Variants in ASB13 observed in about 807,000 individuals in gnomAD.
The protein encoded by ASB13 is ankyrin repeat and SOCS box protein 13.
In ASB13, 33 loss-of-function variants were observed where a neutral mutation model predicts 28.8. The observed-to-expected ratio is 1.15, with a 90% confidence interval of 0.87 to 1.53. ASB13 has a LOEUF of 1.53. Ranked by LOEUF, ASB13 falls within the 40% of genes most tolerant of loss-of-function variation. ASB13 has a pLI of 0.00. For synonymous variants in ASB13, 182 were observed against 172.9 expected (o/e 1.05, Z -0.41); for missense variants, 414 against 390.1 (o/e 1.06, Z -0.52).
chr10:5,661,378 G>A lies in ASB13; in HGVS notation c.43+5131C>T, dbSNP rs577793467. Among the ~76,000 whole-genome samples, 1 of 152,346 alleles carries A rather than the reference G, an allele frequency of 6.6e-6. No individual in the cohort carries two copies. Among genetic ancestry groups the A allele is most frequent in the East Asian group, 1.9e-4 (1 of 5,192 alleles). On this transcript the variant is annotated intron_variant, in intron 1 of 5. Coordinates refer to ENST00000357700, the MANE Select transcript of ASB13 (RefSeq NM_024701.4). This position sits in a 1 kb window ranked among gnomAD's most constrained non-coding sequence, Gnocchi z 4.9. ...CAGGGTCAGGGCCCACTCCAACAAA[G>A]AGCATTCTCAAATGCCACCAGGGAC... is the stretch of plus-strand genomic sequence containing the variant.
Position 5,642,385 on chromosome 10 carries a change from C to A in ASB13, c.518-424G>T. On this transcript the variant is annotated intron_variant, in intron 4 of 5. Transcript: ENST00000357700. The surrounding 1 kb of genome is among the most constrained non-coding windows in gnomAD (Gnocchi z 4.1). ...GCTTCTTCCTCTTGCGGGCCCAGGA[C>A]GGAGGCTCCAGAAATACTGGTTGAA... 1.4e-6 allele frequency: 1 copy of A among 725,706 alleles called. No individual in the cohort carries two copies. The allele number at this position is 725,706 out of a possible 1,614,324, so 45.0% of individuals were successfully genotyped here.
At position 5,645,615 on chromosome 10, in the gene ASB13, G is replaced by A. The variant is rs370149671; in HGVS notation, c.517+3355C>T. Among the ~76,000 whole-genome samples, 13 of 152,198 alleles carry A rather than the reference G, an allele frequency of 8.5e-5. 1 individual carries two copies. In the East Asian group the frequency reaches 1.2e-3, roughly 14 times the overall value. On this transcript the variant is annotated intron_variant, in intron 4 of 5. Transcript: ENST00000357700. This position sits in a 1 kb window ranked among gnomAD's most constrained non-coding sequence, Gnocchi z 5.4. ...TCTCAAACCGCACATGAAAGCACCTGCACTCATGTGGGCCCCGACTGGTTC... is the reference window on the plus strand; with the variant it reads ...TCTCAAACCGCACATGAAAGCACCTACACTCATGTGGGCCCCGACTGGTTC...
In ASB13 at chr10:5,644,673, C is replaced by G. The variant is rs916241780; in HGVS notation, c.518-2712G>C. On this transcript the variant is annotated intron_variant, in intron 4 of 5. Coordinates refer to ENST00000357700, the MANE Select transcript of ASB13 (RefSeq NM_024701.4). This position sits in a 1 kb window ranked among gnomAD's most constrained non-coding sequence, Gnocchi z 5.1. Reference sequence around the variant, plus strand: ...TCTCTACTAAAAATCCAAAAATTACCTGGGCGTGGTGGTGCACATCTATAA... The same window carrying G: ...TCTCTACTAAAAATCCAAAAATTACGTGGGCGTGGTGGTGCACATCTATAA... Among the ~76,000 whole-genome samples, 1 of 151,902 alleles carries G rather than the reference C, an allele frequency of 6.6e-6. No homozygotes were observed. Among genetic ancestry groups the G allele is most frequent in the South Asian group, 2.1e-4 (1 of 4,816 alleles).
chr10:5,653,202 C>T (rs1330113265), intron 1 of ASB13, 152 bp from the exon 2 acceptor site: 1 of 886,386 alleles, frequency 1.1e-6, no homozygotes, highest in Non-Finnish European at 1.7e-6. Flanking sequence ...CTGAGCCACC[C>T]CCACTGCCTG....
At chr10:5,653,154 G>A (rs1588514669) in intron 1 of ASB13, 104 bp from the exon 2 acceptor site, 13 of 1,164,742 alleles carry the variant, frequency 1.1e-5, no homozygotes, top group Admixed American at 2.8e-5. Flanking sequence ...GGCACCATCC[G>A]TGATCATGCA....
Position 5,651,760 on chromosome 10 carries a change from C to T in ASB13, c.232-397G>A, listed in dbSNP as rs576590923. 1.7e-4 allele frequency among the ~76,000 whole-genome samples: 26 copies of T among 152,074 alleles called. No individual in the cohort carries two copies. In the South Asian group the frequency reaches 5.4e-3, roughly 32 times the overall value. On this transcript the variant is annotated intron_variant, in intron 2 of 5. Transcript: ENST00000357700. This position sits in a 1 kb window ranked among gnomAD's most constrained non-coding sequence, Gnocchi z 5.1. The stretch of plus-strand genomic sequence containing the variant: ...GCTCACACCTGTAACCCCAGCACTT[C>T]GGAAGGCGAGGAGGGAGGGTCACTT...
rs1564222997 is a variant in ASB13, at chr10:5,662,608, G to GAAGAGAAGAGAAGAA, written c.43+3900_43+3901insTTCTTCTCTTCTCTT. The stretch of plus-strand genomic sequence containing the variant: ...GAAGAGAAGAGAAGAGAAGAGAAGA[G>GAAGAGAAGAGAAGAA]AAGAGAAGAGAAGAGAAGAGAAGAG... On this transcript the variant is annotated intron_variant, in intron 1 of 5. Coordinates refer to ENST00000357700, the MANE Select transcript of ASB13 (RefSeq NM_024701.4). Among the ~76,000 whole-genome samples the GAAGAGAAGAGAAGAA allele has an allele frequency of 2.6e-4, 38 of 147,746 alleles. 1 individual carries two copies. Among genetic ancestry groups the GAAGAGAAGAGAAGAA allele is most frequent in the Non-Finnish European group, 4.4e-4 (29 of 66,356 alleles).
rs1007736611 is a variant in ASB13, at chr10:5,656,364, C to A, written c.44-3314G>T. Among the ~76,000 whole-genome samples the A allele has an allele frequency of 2.0e-5, 3 of 152,126 alleles. No homozygotes were observed. The highest frequency in any genetic ancestry group is 4.4e-5 in the Non-Finnish European group (3 of 68,014). On this transcript the variant is annotated intron_variant, in intron 1 of 5. Coordinates refer to ENST00000357700, the MANE Select transcript of ASB13 (RefSeq NM_024701.4). This position sits in a 1 kb window ranked among gnomAD's most constrained non-coding sequence, Gnocchi z 4.3. ...ACCAGCCTGGCCAACATGGTGAAAC[C>A]CCATCTCTACTAAAAATACAAAGAA...
At chr10:5,647,349 T>C (rs945115657) in intron 4 of ASB13, among the ~76,000 whole-genome samples, 5 of 152,252 alleles carry the variant, frequency 3.3e-5, no homozygotes, top group African/African-American at 1.2e-4. Flanking sequence ...AACATTTAAG[T>C]TGGGTTGATA....
rs1016540195 is a variant in ASB13 at position 5,664,371 on chromosome 10, G to A, written c.43+2138C>T. Among the ~76,000 whole-genome samples the A allele has an allele frequency of 2.0e-5, 3 of 152,010 alleles. No homozygotes were observed. Among genetic ancestry groups the A allele is most frequent in the Admixed American group, 6.6e-5 (1 of 15,262 alleles). ...TGAGGGGCCTAAGAAGACTGTCTGGGGATAAATTAGGGATTAGGCATGGAG... is the reference window on the plus strand; with the variant it reads ...TGAGGGGCCTAAGAAGACTGTCTGGAGATAAATTAGGGATTAGGCATGGAG... On this transcript the variant is annotated intron_variant, in intron 1 of 5. Transcript: ENST00000357700. The surrounding 1 kb of genome is among the most constrained non-coding windows in gnomAD (Gnocchi z 4.2).
At position 5,656,447 on chromosome 10, in the gene ASB13, C is replaced by A. The variant is rs1220967679; in HGVS notation, c.44-3397G>T. Among the ~76,000 whole-genome samples the A allele has an allele frequency of 6.6e-6, 1 of 151,504 alleles. No homozygotes were observed. Among genetic ancestry groups the A allele is most frequent in the East Asian group, 1.9e-4 (1 of 5,162 alleles). On this transcript the variant is annotated intron_variant, in intron 1 of 5. Coordinates refer to ENST00000357700, the MANE Select transcript of ASB13 (RefSeq NM_024701.4). This position sits in a 1 kb window ranked among gnomAD's most constrained non-coding sequence, Gnocchi z 4.3. ...CCAGCTACTCAGGAGGCGGAGGCAGCAGAATCGCTTGAACCCAGGAGGCGG... is the reference window on the plus strand; with the variant it reads ...CCAGCTACTCAGGAGGCGGAGGCAGAAGAATCGCTTGAACCCAGGAGGCGG...
chr10:5,661,978 T>C lies in ASB13; in HGVS notation c.43+4531A>G, dbSNP rs1835174033. Among the ~76,000 whole-genome samples, 1 of 152,070 alleles carries C rather than the reference T, an allele frequency of 6.6e-6. No homozygotes were observed. The highest frequency in any genetic ancestry group is 2.4e-5 in the African/African-American group (1 of 41,408). ...TTCTTGAAATGGTGAGGGTGGGCCC[T>C]CCACCCTGACCCACCCATAAAGCCG... On this transcript the variant is annotated intron_variant, in intron 1 of 5. Coordinates refer to ENST00000357700, the MANE Select transcript of ASB13 (RefSeq NM_024701.4). The surrounding 1 kb of genome is among the most constrained non-coding windows in gnomAD (Gnocchi z 4.9).
intron 1 of ASB13, among the ~76,000 whole-genome samples, chr10:5,662,888 T>C (rs1431222255): frequency 1.3e-5 from 2 of 152,178 alleles, no homozygotes; most frequent in Non-Finnish European, 2.9e-5. Context: ...TCACCAAATT[T>C]TAATAGCGCA....
Position 5,650,763 on chromosome 10 carries a change from G to A in ASB13, c.382+450C>T, listed in dbSNP as rs752925994. 1.8e-4 allele frequency among the ~76,000 whole-genome samples: 27 copies of A among 152,188 alleles called. No individual in the cohort carries two copies. The highest frequency in any genetic ancestry group is 3.7e-4 in the Non-Finnish European group (25 of 68,018). On this transcript the variant is annotated intron_variant, in intron 3 of 5. Transcript: ENST00000357700. The surrounding 1 kb of genome is among the most constrained non-coding windows in gnomAD (Gnocchi z 6.0). ...GTCTGCCTATTCTTGGGGGGCAGATGAGGTCCCACCTGCTCCCTGAGCCTG... is the reference window on the plus strand; with the variant it reads ...GTCTGCCTATTCTTGGGGGGCAGATAAGGTCCCACCTGCTCCCTGAGCCTG...
Position 5,648,999 on chromosome 10 carries a change from A to C in ASB13, c.488T>G (p.Leu163Arg), listed in dbSNP as rs1489228375. ...PLHVACAREH[L>R]DCVKVLLNAG... ...ATTGAGCAGCACTTTGACACAGTCC[A>C]GATGCTCCCGGGCACAGGCAACGTG... Residue 163 changes from leucine (L) to arginine (R), a missense_variant, in exon 4 of 6, where the codon CTG (leucine) becomes CGG (arginine). Physicochemically the swap from Leu to Arg is moderately radical, Grantham distance 102. Transcript: ENST00000357700. 6.2e-7 allele frequency: 1 copy of C among 1,614,208 alleles called. No homozygotes were observed. Among genetic ancestry groups the C allele is most frequent in the Non-Finnish European group, 8.5e-7 (1 of 1,180,042 alleles).
Position 5,651,078 on chromosome 10 carries a change from G to A in ASB13, c.382+135C>T. 8.5e-7 allele frequency: 1 copy of A among 1,179,846 alleles called. No homozygotes were observed. The highest frequency in any genetic ancestry group is 1.2e-6 in the Non-Finnish European group (1 of 854,234). The allele number at this position is 1,179,846 out of a possible 1,614,324, so 73.1% of individuals were successfully genotyped here. A position where few individuals can be genotyped will look rare whatever the true frequency, so the allele number is the denominator to read the frequency against. ...GCTGAGCCACCAGGAGCCAGAAACAGACTCAGAACTCTCCTTCACCAGCCA... is the reference window on the plus strand; with the variant it reads ...GCTGAGCCACCAGGAGCCAGAAACAAACTCAGAACTCTCCTTCACCAGCCA... On this transcript the variant is annotated intron_variant, in intron 3 of 5. Transcript: ENST00000357700. The surrounding 1 kb of genome is among the most constrained non-coding windows in gnomAD (Gnocchi z 5.1).
Position 5,655,416 on chromosome 10 carries a change from G to C in ASB13, c.44-2366C>G, listed in dbSNP as rs541305502. On this transcript the variant is annotated intron_variant, in intron 1 of 5. Transcript: ENST00000357700. The surrounding 1 kb of genome is among the most constrained non-coding windows in gnomAD (Gnocchi z 6.2). Reference sequence around the variant, plus strand: ...TATGAACATTCAGTGAATTGAAATAGGTAGATGCACTTAAAGGGTGGGGCC... The same window carrying C: ...TATGAACATTCAGTGAATTGAAATACGTAGATGCACTTAAAGGGTGGGGCC... 1.3e-5 allele frequency among the ~76,000 whole-genome samples: 2 copies of C among 152,224 alleles called. No homozygotes were observed. Among genetic ancestry groups the C allele is most frequent in the African/African-American group, 4.8e-5 (2 of 41,460 alleles).
rs544195096 is a variant in ASB13, at chr10:5,659,183, T to C, written c.44-6133A>G. The stretch of plus-strand genomic sequence containing the variant: ...CCCTGTGGTGGCAAGACGCCCCCCC[T>C]CCCCAATCCCTGCACCCTCTCCCTT... On this transcript the variant is annotated intron_variant, in intron 1 of 5. Transcript: ENST00000357700. This position sits in a 1 kb window ranked among gnomAD's most constrained non-coding sequence, Gnocchi z 5.8. 6.6e-6 allele frequency among the ~76,000 whole-genome samples: 1 copy of C among 151,372 alleles called. No individual in the cohort carries two copies. Among genetic ancestry groups the C allele is most frequent in the Non-Finnish European group, 1.5e-5 (1 of 67,828 alleles).
In ASB13 at chr10:5,651,330, G is replaced by A; in HGVS notation, c.265C>T (p.Leu89Phe). The A allele has an allele frequency of 6.2e-7, 1 of 1,613,112 alleles. No individual in the cohort carries two copies. ...DARNIDGSTPLCDACASGSIE... is the reference protein window; with the variant it reads ...DARNIDGSTPFCDACASGSIE... Reference sequence around the variant, plus strand: ...CTGCCCGAGGCGCAGGCATCGCAGAGCGGGGTGCTGCCGTCGATGTTGCGA... The same window carrying A: ...CTGCCCGAGGCGCAGGCATCGCAGAACGGGGTGCTGCCGTCGATGTTGCGA... Residue 89 changes from leucine (L) to phenylalanine (F), a missense_variant, in exon 3 of 6, where the codon CTC becomes TTC. Coordinates refer to ENST00000357700, the MANE Select transcript of ASB13 (RefSeq NM_024701.4). This position sits in a 1 kb window ranked among gnomAD's most constrained non-coding sequence, Gnocchi z 5.1.
Sources: gnomAD v4.1 joint callset for allele counts (sites outside exome capture counted in the v4.1 genomes callset) on GRCh38, gnomAD v4.1.1 for gene constraint, Gnocchi (gnomAD v3.1) non-coding constraint, MANE v1.5 for transcripts, NCBI Gene and HGNC (gene_info 2026-07-23, HGNC 2026-07-21) for gene names.